TOP3B: variants seen among roughly 807,000 people sequenced by gnomAD.
TOP3B encodes DNA topoisomerase 3-beta-1.
A neutral mutation model predicts 93.9 loss-of-function variants in TOP3B; 45 were observed. The ratio of observed to expected loss-of-function variants is 0.48; its 90% CI spans 0.38 to 0.61. TOP3B has a LOEUF of 0.61. Ranked by LOEUF, TOP3B falls within the 20% of genes least tolerant of loss-of-function variation. The probability of loss-of-function intolerance (pLI) is 0.00; values close to 1 mark genes in which losing one functional copy is unlikely to be tolerated. For synonymous variants in TOP3B, 357 were observed against 472.6 expected, an observed-to-expected ratio of 0.76 and a Z score of 3.17; for missense variants, 750 against 1,156.1, an observed-to-expected ratio of 0.65 and a Z score of 5.09.
intron 16 of TOP3B, chr22:21,958,916 T>A (rs1382174897): frequency 9.7e-7 from 1 of 1,036,222 alleles, no homozygotes; most frequent in Non-Finnish European, 1.4e-6. Flanking sequence ...AGTGGCATGG[T>A]GTTAGGGAAA....
intron 1 of TOP3B, among the ~76,000 whole-genome samples, chr22:21,978,702 G>A (rs1476997298): frequency 2.6e-5 from 4 of 151,530 alleles, no homozygotes; most frequent in African/African-American, 9.7e-5. Context: ...GATGGCAGCT[G>A]AGACCTGACT....
At chr22:21,980,034 C>T (rs907870361) in intron 1 of TOP3B, among the ~76,000 whole-genome samples, 23 of 150,544 alleles carry the variant, frequency 1.5e-4, no homozygotes, top group African/African-American at 9.8e-5. Flanking sequence ...TACATACTAA[C>T]GTGGATCAGA....
At position 21,960,558 on chromosome 22, in the gene TOP3B, C is replaced by A. The variant is rs1402745067; in HGVS notation, c.1526-109G>T. 6 of 1,468,768 alleles carry A rather than the reference C, an allele frequency of 4.1e-6. No homozygotes were observed. The Admixed American group carries it at 9.3e-5, about 23-fold the overall frequency. 91.0% of individuals were successfully genotyped at this position (1,468,768 alleles called of 1,614,324 possible). On this transcript the variant is annotated intron_variant, in intron 13 of 17. Coordinates refer to ENST00000357179, the MANE Select transcript of TOP3B (RefSeq NM_001282112.2). ...CCCTGGTGCTCAGGCCCTCTCACTGCTCCCGGTCACAGGAGGGAGGGCTGT... is the reference window on the plus strand; with the variant it reads ...CCCTGGTGCTCAGGCCCTCTCACTGATCCCGGTCACAGGAGGGAGGGCTGT...
At chr22:21,961,642 C>T (rs2071187230) in intron 13 of TOP3B, 1 of 153,136 alleles carries the variant, frequency 6.5e-6, no homozygotes, top group African/African-American at 2.4e-5. Flanking sequence ...CACCAGGACC[C>T]CAGCCTGGGA....
At chr22:21,964,365 G>A in intron 9 of TOP3B, 50 bp from the exon 10 acceptor site, 1 of 1,603,252 alleles carries the variant, frequency 6.2e-7, no homozygotes, top group Non-Finnish European at 8.5e-7. Context: ...GGGATGGCCA[G>A]CTGCCTGCCC....
chr22:21,964,965 C>G (rs558232116), intron 9 of TOP3B: 1 of 223,324 alleles, frequency 4.5e-6, no homozygotes. Context: ...TCCAGCCCAA[C>G]CCCCTCCTCG....
At chr22:21,960,095 T>C in intron 14 of TOP3B, 1 of 698,234 alleles carries the variant, frequency 1.4e-6, no homozygotes, top group East Asian at 2.7e-5. Context: ...CCTCCCTTTT[T>C]GGTTCCCTCA....
chr22:21,975,374 A>ATACCCACCAG (rs2071821294), intron 2 of TOP3B: 1 of 368,396 alleles, frequency 2.7e-6, no homozygotes. Context: ...TGTACCTAAT[A>ATACCCACCAG]GCCCCACCAG....
rs372561208 is a variant in TOP3B at position 21,972,686 on chromosome 22, C to G, written c.235G>C (p.Ala79Pro). The change falls in exon 4 of 18, where the codon GCA (alanine) becomes CCA (proline). Residue 79 changes from alanine (A) to proline (P), a missense_variant. Transcript: ENST00000357179. ...GTGGGAGCTTGGCTGAACAGTTCTGCGGGGTCCACTTTGTCCCATTTGTTG... is the reference window on the plus strand; with the variant it reads ...GTGGGAGCTTGGCTGAACAGTTCTGGGGGGTCCACTTTGTCCCATTTGTTG... ...KYNKWDKVDPAELFSQAPTEK... is the reference protein window; with the variant it reads ...KYNKWDKVDPPELFSQAPTEK... 1 of 1,613,926 alleles carries G rather than the reference C, an allele frequency of 6.2e-7. No homozygotes were observed. Among genetic ancestry groups the G allele is most frequent in the Non-Finnish European group, 8.5e-7 (1 of 1,179,970 alleles).
chr22:21,981,527 C>G (rs753246548), intron 1 of TOP3B, among the ~76,000 whole-genome samples: 1 of 152,150 alleles, frequency 6.6e-6, no homozygotes, highest in African/African-American at 2.4e-5. Context: ...TGCATTCTCA[C>G]GGTAAATAGA....
rs572727042 is a variant in TOP3B, at chr22:21,981,580, C to T, written c.-99+1150G>A. On this transcript the variant is annotated intron_variant, in intron 1 of 17. Transcript: ENST00000357179. ...GCGAGGCTGAGGCAGGTGGATCACC[C>T]GAGGTCAGCAGTTCAAGACCAGCCT... 2.1e-3 allele frequency among the ~76,000 whole-genome samples: 321 copies of T among 152,160 alleles called. 1 individual carries two copies. Among genetic ancestry groups the T allele is most frequent in the Non-Finnish European group, 3.5e-3 (238 of 67,988 alleles).
intron 1 of TOP3B, chr22:21,976,979 G>T (rs537348036): frequency 2.6e-5 from 4 of 152,148 alleles, no homozygotes; most frequent in Non-Finnish European, 5.9e-5. Context: ...TAGAAACAAT[G>T]AAACCAGAAA....
At chr22:21,980,503 C>T (rs1300590102) in intron 1 of TOP3B, among the ~76,000 whole-genome samples, 1 of 152,176 alleles carries the variant, frequency 6.6e-6, no homozygotes, top group Non-Finnish European at 1.5e-5. Context: ...CACAGGACTA[C>T]AGTGAAATCA....
rs140443440 is a variant in TOP3B, at chr22:21,963,869, G to T, written c.1204+54C>A. On this transcript the variant is annotated intron_variant, in intron 11 of 17. Coordinates refer to ENST00000357179, the MANE Select transcript of TOP3B (RefSeq NM_001282112.2). The surrounding 1 kb of genome is among the most constrained non-coding windows in gnomAD (Gnocchi z 4.8). Reference sequence around the variant, plus strand: ...AACAGGGCCTGCAACCTTCACTGTCGCAGCTCGCCCTTCCCTCCCTGGAAG... The same window carrying T: ...AACAGGGCCTGCAACCTTCACTGTCTCAGCTCGCCCTTCCCTCCCTGGAAG... The T allele has an allele frequency of 3.2e-4, 511 of 1,581,012 alleles. 1 individual carries two copies. In the African/African-American group the frequency reaches 6.3e-3, roughly 19 times the overall value.
chr22:21,964,077 G>C lies in TOP3B; in HGVS notation c.1099-49C>G, dbSNP rs1274811318. 3.1e-6 allele frequency: 5 copies of C among 1,602,698 alleles called. 1 individual carries two copies. The South Asian group carries it at 5.6e-5, about 18-fold the overall frequency. On this transcript the variant is annotated intron_variant, in intron 10 of 17. Coordinates refer to ENST00000357179, the MANE Select transcript of TOP3B (RefSeq NM_001282112.2). Reference sequence around the variant, plus strand: ...AGTCTGTGGCTGGGCTCGGCTGCCTGCCTGGGTTTGGCTGACGTACCAGAC... The same window carrying C: ...AGTCTGTGGCTGGGCTCGGCTGCCTCCCTGGGTTTGGCTGACGTACCAGAC...
chr22:21,973,023 G>A, intron 3 of TOP3B: 1 of 409,568 alleles, frequency 2.4e-6, no homozygotes, highest in Non-Finnish European at 4.6e-6. Flanking sequence ...GACTTTCCCT[G>A]TGGCTGGGAG....
At chr22:21,958,961 G>T in intron 16 of TOP3B, 171 bp downstream of exon 16, 1 of 1,109,838 alleles carries the variant, frequency 9.0e-7, no homozygotes, top group Non-Finnish European at 1.3e-6. Context: ...CCTAATGGCT[G>T]TGTATTCTAG....
chr22:21,967,506 C>T (rs964571432), intron 8 of TOP3B, 97 bp downstream of exon 8: 19 of 903,094 alleles, frequency 2.1e-5, no homozygotes, highest in Non-Finnish European at 2.7e-5. Context: ...GGGAGAAAGA[C>T]GTGGACTAGG....
At chr22:21,975,375 G>A in intron 2 of TOP3B, 1 of 365,344 alleles carries the variant, frequency 2.7e-6, no homozygotes. Context: ...GTACCTAATA[G>A]CCCCACCAGG....
Sources: allele counts gnomAD v4.1 joint callset (sites outside exome capture counted in the v4.1 genomes callset), GRCh38; gene constraint gnomAD v4.1.1; non-coding constraint Gnocchi (gnomAD v3.1); transcripts MANE v1.5; gene names NCBI Gene and HGNC (gene_info 2026-07-23, HGNC 2026-07-21).